The following SCHIP1 variants were observed in gnomAD, a reference collection of about 807,000 sequenced individuals.
SCHIP1 encodes schwannomin interacting protein 1.
SCHIP1 carries 8 observed loss-of-function variants against 29.7 expected under a neutral mutation model. The ratio of observed to expected loss-of-function variants is 0.27; its 90% CI spans 0.16 to 0.49. SCHIP1 has a LOEUF of 0.49. Among genes scored for constraint, SCHIP1 ranks in the 20% least tolerant of loss-of-function variants. The probability of loss-of-function intolerance (pLI) is 0.99; values close to 1 mark genes in which losing one functional copy is unlikely to be tolerated. For synonymous variants in SCHIP1, 76 were observed against 94.9 expected (o/e 0.80, Z 1.16); for missense variants, 193 against 294.6 (o/e 0.66, Z 2.52).
chr3:159,749,009 C>T, the SCHIP1 span, among the ~76,000 whole-genome samples: 19 of 152,176 alleles, frequency 1.2e-4, no homozygotes, highest in East Asian at 1.7e-3. Context: ...CGGTGTCTTT[C>T]GCCTATAATC....
At chr3:159,550,665 C>G in the SCHIP1 span, among the ~76,000 whole-genome samples, 8 of 151,926 alleles carry the variant, frequency 5.3e-5, no homozygotes, top group Non-Finnish European at 1.0e-4. Flanking sequence ...AAATTTGTAT[C>G]CAACCTGTTT....
the SCHIP1 span, among the ~76,000 whole-genome samples, chr3:159,569,098 C>G: frequency 6.6e-6 from 1 of 152,162 alleles, no homozygotes; most frequent in African/African-American, 2.4e-5. Flanking sequence ...TTTCAACCTT[C>G]CTGAGTCCCT....
chr3:159,876,518 A>T (rs565330616), intron 2 of SCHIP1, among the ~76,000 whole-genome samples: 1 of 152,342 alleles, frequency 6.6e-6, no homozygotes, highest in South Asian at 2.1e-4. Flanking sequence ...TCAGTGCTGC[A>T]TTAGTAGGTG....
At chr3:159,477,098 C>T in the SCHIP1 span, among the ~76,000 whole-genome samples, 5 of 152,242 alleles carry the variant, frequency 3.3e-5, no homozygotes, top group East Asian at 7.7e-4. Flanking sequence ...CCAGATTCAT[C>T]CACATTGTCA....
chr3:159,448,516 A>T, the SCHIP1 span, among the ~76,000 whole-genome samples: 1 of 152,056 alleles, frequency 6.6e-6, no homozygotes, highest in Non-Finnish European at 1.5e-5. Context: ...AATTGTGGGG[A>T]GTGGGTTGGT....
At chr3:159,687,584 T>G in the SCHIP1 span, among the ~76,000 whole-genome samples, 1 of 152,284 alleles carries the variant, frequency 6.6e-6, no homozygotes, top group Middle Eastern at 3.4e-3. Context: ...AGATCTCACT[T>G]GGAAAACCCT....
At chr3:159,721,783 TC>T in the SCHIP1 span, 1 of 441,878 alleles carries the variant, frequency 2.3e-6, no homozygotes, top group Non-Finnish European at 4.5e-6. Flanking sequence ...CTGCTGTTCT[TC>T]CCCAGCTGGG....
the SCHIP1 span, among the ~76,000 whole-genome samples, chr3:159,292,430 C>T: frequency 6.1e-3 from 932 of 152,190 alleles, 11 homozygotes; most frequent in African/African-American, 0.022. Flanking sequence ...GAGACAAATA[C>T]TTTATTCCTC....
At chr3:159,858,765 T>C (rs1577445303) in intron 1 of SCHIP1, among the ~76,000 whole-genome samples, 3 of 152,298 alleles carry the variant, frequency 2.0e-5, no homozygotes, top group East Asian at 3.9e-4. Flanking sequence ...CATCCTGGGC[T>C]TTAGATATCC....
chr3:159,708,820 C>A, the SCHIP1 span, among the ~76,000 whole-genome samples: 1 of 152,234 alleles, frequency 6.6e-6, no homozygotes, highest in Non-Finnish European at 1.5e-5. Context: ...GACCACCTAA[C>A]TGGAGCTGCA....
At chr3:159,464,101 G>C in the SCHIP1 span, among the ~76,000 whole-genome samples, 21 of 152,038 alleles carry the variant, frequency 1.4e-4, no homozygotes, top group Non-Finnish European at 2.6e-4. Flanking sequence ...AGAATTACTA[G>C]GTCAAAAAAA....
At chr3:159,470,150 A>G in the SCHIP1 span, among the ~76,000 whole-genome samples, 5 of 152,192 alleles carry the variant, frequency 3.3e-5, no homozygotes, top group Non-Finnish European at 7.4e-5. Flanking sequence ...AAATGGTGTT[A>G]TTACAAACTA....
chr3:159,441,176 T>TAC, the SCHIP1 span, among the ~76,000 whole-genome samples: 1 of 152,064 alleles, frequency 6.6e-6, no homozygotes, highest in African/African-American at 2.4e-5. Context: ...CACTCGCACA[T>TAC]ACACACACAC....
the SCHIP1 span, among the ~76,000 whole-genome samples, chr3:159,735,555 C>A: frequency 6.6e-6 from 1 of 152,096 alleles, no homozygotes; most frequent in African/African-American, 2.4e-5. Flanking sequence ...CTATAAAACT[C>A]CTAACCCATT....
chr3:159,625,230 A>G, the SCHIP1 span, among the ~76,000 whole-genome samples: 2 of 152,126 alleles, frequency 1.3e-5, no homozygotes, highest in Non-Finnish European at 2.9e-5. Context: ...CTCACTTTGA[A>G]TCTCTGAATC....
chr3:159,460,993 T>G, the SCHIP1 span, among the ~76,000 whole-genome samples: 16 of 152,118 alleles, frequency 1.1e-4, no homozygotes, highest in African/African-American at 3.6e-4. Context: ...CTTTCACAAC[T>G]TGACCTGTTT....
chr3:159,593,301 G>A, the SCHIP1 span, among the ~76,000 whole-genome samples: 1 of 152,136 alleles, frequency 6.6e-6, no homozygotes, highest in Non-Finnish European at 1.5e-5. Context: ...CACCCGAGGA[G>A]CCTCAGAGAA....
the SCHIP1 span, among the ~76,000 whole-genome samples, chr3:159,510,823 C>T: frequency 6.6e-6 from 1 of 152,202 alleles, no homozygotes; most frequent in Non-Finnish European, 1.5e-5. Context: ...GATCGTTCCT[C>T]TGGAAGTTTC....
At chr3:159,630,055 A>G in the SCHIP1 span, among the ~76,000 whole-genome samples, 1 of 152,198 alleles carries the variant, frequency 6.6e-6, no homozygotes, top group Non-Finnish European at 1.5e-5. Context: ...GTGGCAGCCA[A>G]AGAGAATGTA....
Sources: allele counts gnomAD v4.1 joint callset (sites outside exome capture counted in the v4.1 genomes callset), GRCh38; gene constraint gnomAD v4.1.1; transcripts MANE v1.5; gene names NCBI Gene and HGNC (gene_info 2026-07-23, HGNC 2026-07-21).